Variants in DNAJC18 observed in about 807,000 individuals in gnomAD.
DNAJC18 encodes DnaJ heat shock protein family (Hsp40) member C18, also known as dnaJ homolog subfamily C member 18.
DNAJC18 carries 40 observed loss-of-function variants against 48.6 expected under a neutral mutation model. The observed-to-expected ratio is 0.82, with a 90% CI of 0.64 to 1.07. The LOEUF (loss-of-function observed/expected upper bound fraction) is 1.07, where lower values mean the gene tolerates loss of function less well. DNAJC18 is among the 50% of genes least tolerant of loss of function. The pLI is 0.00. For missense variants in DNAJC18, 340 were observed against 427.7 expected (o/e 0.79, Z 1.81); for synonymous variants, 135 against 152.2 (o/e 0.89, Z 0.83).
chr5:139,415,608 C>T (rs887808315), intron 7 of DNAJC18, among the ~76,000 whole-genome samples: 1 of 152,186 alleles, frequency 6.6e-6, no homozygotes, highest in Non-Finnish European at 1.5e-5. Context: ...GCACAGTCAC[C>T]CTTGCAGGTG....
At chr5:139,436,025 G>T (rs1212803176) in intron 2 of DNAJC18, among the ~76,000 whole-genome samples, 2 of 151,446 alleles carry the variant, frequency 1.3e-5, no homozygotes, top group Admixed American at 1.3e-4. Flanking sequence ...TGTCCAGCTA[G>T]AATTTTTTTG....
At chr5:139,422,609 GC>G in intron 6 of DNAJC18, 98 bp downstream of exon 6, 1 of 962,106 alleles carries the variant, frequency 1.0e-6, no homozygotes. Context: ...GTTTTCTACA[GC>G]AAAAGGTGAA....
At position 139,425,234 on chromosome 5, in the gene DNAJC18, G is replaced by C. The variant is rs1759218171; in HGVS notation, c.560-120C>G. ...ACTGGAGTGCAATGGGGTGATCTCG[G>C]CTCACTGCAACCTCTGCTTCCTGGG... On this transcript the variant is annotated intron_variant, in intron 4 of 7. Transcript: ENST00000302060. The C allele has an allele frequency of 3.7e-5, 25 of 668,094 alleles. No individual in the cohort carries two copies. The South Asian group carries it at 4.5e-4, about 12-fold the overall frequency. The allele number at this position is 668,094 out of a possible 1,614,324, so 41.4% of individuals were successfully genotyped here.
Position 139,413,058 on chromosome 5 carries a change from A to C in DNAJC18, c.*1090T>G. On this transcript the variant is annotated 3_prime_UTR_variant, in exon 8 of 8. Coordinates refer to ENST00000302060, the MANE Select transcript of DNAJC18 (RefSeq NM_152686.4). ...TCATTCATAGAACCAGGGATAATAC[A>C]TCTACTTCAGAGTTGTGAGGAGGTT... 2 of 397,210 alleles carry C rather than the reference A, an allele frequency of 5.0e-6. No homozygotes were observed. Among genetic ancestry groups the C allele is most frequent in the East Asian group, 3.6e-5 (1 of 28,024 alleles). 24.6% of individuals were successfully genotyped at this position (397,210 alleles called of 1,614,324 possible).
chr5:139,429,080 CTTTTTTTTTT>C, intron 2 of DNAJC18, among the ~76,000 whole-genome samples: 1 of 114,582 alleles, frequency 8.7e-6, no homozygotes, highest in Non-Finnish European at 1.9e-5. Flanking sequence ...GTATTTTTTG[CTTTTTTTTTT>C]TTTTTTTTTT....
At chr5:139,432,967 C>G (rs907337235) in intron 2 of DNAJC18, among the ~76,000 whole-genome samples, 4 of 152,124 alleles carry the variant, frequency 2.6e-5, no homozygotes, top group Non-Finnish European at 5.9e-5. Context: ...GAATAGGGCA[C>G]TTTTGTCTGC....
At chr5:139,436,567 G>C (rs778898212) in intron 2 of DNAJC18, among the ~76,000 whole-genome samples, 2 of 118,296 alleles carry the variant, frequency 1.7e-5, no homozygotes, top group South Asian at 5.5e-4. Flanking sequence ...TCTGCTGTGC[G>C]ATTATGACTC....
In DNAJC18 at chr5:139,412,176, G is replaced by A. The variant is rs1759004227; in HGVS notation, c.*1972C>T. The A allele has an allele frequency of 6.6e-6, 1 of 152,214 alleles. No individual in the cohort carries two copies. 9.4% of individuals were successfully genotyped at this position (152,214 alleles called of 1,614,324 possible). ...TCTGTGGAATGCCTGCAGAGGCATG[G>A]TAGGGAACAACCGTTCAGATGTTGA... On this transcript the variant is annotated 3_prime_UTR_variant, in exon 8 of 8. Transcript: ENST00000302060.
At chr5:139,436,781 T>C (rs1750671205) in intron 2 of DNAJC18, among the ~76,000 whole-genome samples, 2 of 152,102 alleles carry the variant, frequency 1.3e-5, no homozygotes, top group South Asian at 4.1e-4. Context: ...TTTAAAAAAA[T>C]AAGCATTTAG....
Position 139,412,819 on chromosome 5 carries a change from ATGT to A in DNAJC18, c.*1326_*1328del, listed in dbSNP as rs1759012900. 1 of 398,496 alleles carries A rather than the reference ATGT, an allele frequency of 2.5e-6. No homozygotes were observed. Among genetic ancestry groups the A allele is most frequent in the Admixed American group, 4.4e-5 (1 of 22,708 alleles). 24.7% of individuals were successfully genotyped at this position (398,496 alleles called of 1,614,324 possible). On this transcript the variant is annotated 3_prime_UTR_variant, in exon 8 of 8. Transcript: ENST00000302060. The stretch of plus-strand genomic sequence containing the variant: ...TCCTGCTTCCTAAAGAGCAGCAGGG[ATGT>A]TGTCCTGAACAGATGCAAGATTGCC...
At position 139,439,462 on chromosome 5, in the gene DNAJC18, C is replaced by G; in HGVS notation, c.-17G>C. ...CGCCGCCATATCGGTTCCCAATCAG[C>G]AGGTCCGCCGAGCCTCCCCCGTGCC... On this transcript the variant is annotated 5_prime_UTR_variant, in exon 1 of 8. Coordinates refer to ENST00000302060, the MANE Select transcript of DNAJC18 (RefSeq NM_152686.4). This position sits in a 1 kb window ranked among gnomAD's most constrained non-coding sequence, Gnocchi z 4.1. The G allele has an allele frequency of 1.2e-6, 2 of 1,613,910 alleles. No individual in the cohort carries two copies. The highest frequency in any genetic ancestry group is 1.7e-6 in the Non-Finnish European group (2 of 1,179,956).
chr5:139,425,041 T>C lies in DNAJC18; in HGVS notation c.633A>G (p.Thr211=), dbSNP rs1250589834. The C allele has an allele frequency of 6.2e-7, 1 of 1,613,352 alleles. No homozygotes were observed. Among genetic ancestry groups the C allele is most frequent in the Non-Finnish European group, 8.5e-7 (1 of 1,179,492 alleles). ...YYRRRHRHER[T]QTQKEEEEEK... is the part of the protein sequence containing the mutation. ...CTTCTTCCTCCTCCTTCTGAGTCTG[T>C]GTCCTCTCATGTCGGTGCCGTCGAC... Residue 211 remains threonine, a synonymous_variant, in exon 5 of 8, where the codon ACA becomes ACG. Coordinates refer to ENST00000302060, the MANE Select transcript of DNAJC18 (RefSeq NM_152686.4).
Position 139,422,715 on chromosome 5 carries a change from A to G in DNAJC18, c.772T>C (p.Tyr258His). The G allele has an allele frequency of 5.0e-6, 8 of 1,598,448 alleles. No homozygotes were observed. The highest frequency in any genetic ancestry group is 6.8e-6 in the Non-Finnish European group (8 of 1,172,324). Residue 258 changes from tyrosine to histidine, a missense_variant, in exon 6 of 8, where the codon TAT becomes CAT. Physicochemically the swap from Tyr to His is moderately conservative, Grantham distance 83. Transcript: ENST00000302060. ...TAGAAATACCAGACTTACGATTTAT[A>G]GAACAGACTATATGGGGGATTAGTA... is the stretch of plus-strand genomic sequence containing the variant. Reference protein sequence around the residue: ...LATNPPYSLFYKSTLGYTISR... With the variant: ...LATNPPYSLFHKSTLGYTISR...
Position 139,414,397 on chromosome 5 carries a change from CATTT to C in DNAJC18, c.953-129_953-126del, listed in dbSNP as rs903713511. 3.8e-6 allele frequency: 5 copies of C among 1,329,730 alleles called. No homozygotes were observed. In the South Asian group the frequency reaches 6.3e-5, roughly 17 times the overall value. 82.4% of individuals were successfully genotyped at this position (1,329,730 alleles called of 1,614,324 possible). A position where few individuals can be genotyped will look rare whatever the true frequency, so the allele number is the denominator to read the frequency against. On this transcript the variant is annotated intron_variant, in intron 7 of 7. Coordinates refer to ENST00000302060, the MANE Select transcript of DNAJC18 (RefSeq NM_152686.4). ...TTTTCTTACAATTAAATATAAGAAA[CATTT>C]AGTCATTTATTCACAAAACACGTCT...
Position 139,414,283 on chromosome 5 carries a change from A to G in DNAJC18, c.953-11T>C. 1 of 1,607,858 alleles carries G rather than the reference A, an allele frequency of 6.2e-7. No individual in the cohort carries two copies. Among genetic ancestry groups the G allele is most frequent in the South Asian group, 1.1e-5 (1 of 89,742 alleles). ...TTGTCAGCTCTGACTCTGAAAGATA[A>G]AAGAGGTAACCAATTCATCAAGAGC... On this transcript the variant is annotated splice_polypyrimidine_tract_variant and intron_variant, in intron 7 of 7. Transcript: ENST00000302060.
chr5:139,431,414 A>G (rs1323292858), intron 2 of DNAJC18, among the ~76,000 whole-genome samples: 2 of 151,848 alleles, frequency 1.3e-5, no homozygotes, highest in Non-Finnish European at 2.9e-5. Flanking sequence ...CCCTCTATAG[A>G]TTTGCTTATT....
chr5:139,432,700 T>C (rs1311326971), intron 2 of DNAJC18, among the ~76,000 whole-genome samples: 2 of 152,194 alleles, frequency 1.3e-5, no homozygotes, highest in Non-Finnish European at 2.9e-5. Flanking sequence ...GAAGAAAATA[T>C]CAATGGAGCC....
chr5:139,435,427 T>C (rs1750621396), intron 2 of DNAJC18, among the ~76,000 whole-genome samples: 1 of 152,220 alleles, frequency 6.6e-6, no homozygotes. Flanking sequence ...TTTTTGTCCT[T>C]TATTCTATTA....
At chr5:139,427,081 A>C (rs1356598704) in intron 3 of DNAJC18, among the ~76,000 whole-genome samples, 2 of 152,196 alleles carry the variant, frequency 1.3e-5, no homozygotes, top group African/African-American at 2.4e-5. Flanking sequence ...ACACATCAGT[A>C]GTGATATTTT....
Sources: gnomAD v4.1 joint callset for allele counts (sites outside exome capture counted in the v4.1 genomes callset) on GRCh38, gnomAD v4.1.1 for gene constraint, Gnocchi (gnomAD v3.1) non-coding constraint, MANE v1.5 for transcripts, NCBI Gene and HGNC (gene_info 2026-07-23, HGNC 2026-07-21) for gene names.